The following ACLY variants were observed in gnomAD, a reference collection of about 807,000 sequenced individuals.
ACLY encodes ATP citrate lyase, also known as ATP-citrate synthase.
ACLY carries 41 observed loss-of-function variants against 133.0 expected under a neutral mutation model. That is an observed-to-expected ratio of 0.31 (90% CI 0.24 to 0.40). The LOEUF is 0.40. Among genes scored for constraint, ACLY ranks in the 10% least tolerant of loss-of-function variants. The pLI, the probability that ACLY is intolerant of heterozygous loss-of-function variation, is 1.00. For synonymous variants in ACLY, 495 were observed against 549.3 expected, an observed-to-expected ratio of 0.90 and a Z score of 1.38; for missense variants, 1,046 against 1,453.8, an observed-to-expected ratio of 0.72 and a Z score of 4.56.
intron 22 of ACLY, 41 bp downstream of exon 22, chr17:41,878,062 T>A (rs782184375): frequency 9.4e-6 from 13 of 1,385,280 alleles, no homozygotes; most frequent in Non-Finnish European, 1.2e-5. Context: ...GACCCACAGA[T>A]CTCCCTTGCT....
rs1555624076 is a variant in ACLY at position 41,867,431 on chromosome 17, A to C, written c.*379T>G. 6.4e-6 allele frequency: 1 copy of C among 156,512 alleles called. No homozygotes were observed. Among genetic ancestry groups the C allele is most frequent in the African/African-American group, 2.4e-5 (1 of 41,622 alleles). 9.7% of individuals were successfully genotyped at this position (156,512 alleles called of 1,614,324 possible). On this transcript the variant is annotated 3_prime_UTR_variant, in exon 29 of 29. Coordinates refer to ENST00000352035, the MANE Select transcript of ACLY (RefSeq NM_001096.3). ...AGTATCTTGAGGCCATAAATGTTTC[A>C]TTCCCTTCCTCCAAAGGAGAAAAAA... is the stretch of plus-strand genomic sequence containing the variant.
chr17:41,898,927 T>C, intron 11 of ACLY, 142 bp from the exon 12 acceptor site: 2 of 828,460 alleles, frequency 2.4e-6, no homozygotes, highest in Non-Finnish European at 3.6e-6. Context: ...ACAAATCAGC[T>C]GTCATAATTT....
Position 41,878,928 on chromosome 17 carries a change from G to T in ACLY, c.2266-4C>A, listed in dbSNP as rs782678424. 1 of 1,613,852 alleles carries T rather than the reference G, an allele frequency of 6.2e-7. No individual in the cohort carries two copies. The highest frequency in any genetic ancestry group is 1.3e-5 in the African/African-American group (1 of 74,932). On this transcript the variant is annotated splice_polypyrimidine_tract_variant and splice_region_variant and intron_variant, in intron 20 of 28. Coordinates refer to ENST00000352035, the MANE Select transcript of ACLY (RefSeq NM_001096.3). ...CTCCAGCATGGCCAAACTGGACCTG[G>T]AAAGCAAAGGAAAGTAGCTTTACTG...
chr17:41,915,307 C>T (rs1423955236), intron 1 of ACLY, among the ~76,000 whole-genome samples: 1 of 152,080 alleles, frequency 6.6e-6, no homozygotes, highest in Admixed American at 6.5e-5. Context: ...ACTCCTGACT[C>T]CCCCAAAGCC....
chr17:41,920,594 A>G (rs2050166664), upstream of ACLY, among the ~76,000 whole-genome samples: 1 of 149,782 alleles, frequency 6.7e-6, no homozygotes, highest in African/African-American at 2.4e-5. Flanking sequence ...CTATCTCAAA[A>G]AAAAAAAAAA....
chr17:41,905,492 G>C (rs2049687039), intron 9 of ACLY, 30 bp downstream of exon 9: 1 of 1,613,904 alleles, frequency 6.2e-7, no homozygotes, highest in Non-Finnish European at 8.5e-7. Context: ...GGGAAGTGGG[G>C]ACAGGTATGT....
intron 27 of ACLY, 38 bp from the exon 28 acceptor site, chr17:41,868,823 C>A (rs567137439): frequency 1.3e-6 from 2 of 1,587,548 alleles, no homozygotes; most frequent in African/African-American, 1.3e-5. Context: ...AAAAGGCTCA[C>A]GTGACTGCCC....
intron 14 of ACLY, among the ~76,000 whole-genome samples, chr17:41,893,929 G>A (rs1311637613): frequency 3.3e-5 from 5 of 152,258 alleles, no homozygotes; most frequent in East Asian, 3.9e-4. Context: ...GAGGTAAGGC[G>A]CAGGTCAGGT....
intron 15 of ACLY, 79 bp downstream of exon 15, chr17:41,892,954 C>T (rs914583763): frequency 1.3e-6 from 2 of 1,540,246 alleles, no homozygotes; most frequent in Admixed American, 1.8e-5. Context: ...GCTAGGATTA[C>T]AGGCATGAGC....
intron 6 of ACLY, among the ~76,000 whole-genome samples, chr17:41,908,342 T>C (rs2049788349): frequency 6.6e-6 from 1 of 152,058 alleles, no homozygotes; most frequent in African/African-American, 2.4e-5. Flanking sequence ...GGGAGGCAAG[T>C]GTGAGGCCTC....
At chr17:41,892,032 C>T (rs984576304) in intron 16 of ACLY, among the ~76,000 whole-genome samples, 4 of 152,158 alleles carry the variant, frequency 2.6e-5, no homozygotes, top group Admixed American at 2.6e-4. Flanking sequence ...CCCAGATAAG[C>T]AGCCTCTGCC....
chr17:41,898,631 C>T lies in ACLY; in HGVS notation c.1338G>A (p.Ser446=), dbSNP rs541328826. 1,415 of 1,613,268 alleles carry T rather than the reference C, an allele frequency of 8.8e-4. 26 individuals carry two copies. In the South Asian group the frequency reaches 0.012, roughly 14 times the overall value. ...AAGGTTTGGGGAGGCTGGAACCTACCGATGTGCTCCCGCTGGCGTTGAGGA... is the reference window on the plus strand; with the variant it reads ...AAGGTTTGGGGAGGCTGGAACCTACTGATGTGCTCCCGCTGGCGTTGAGGA... The part of the protein sequence containing the change: ...NFLLNASGST[S]TPAPSRTASF... The change falls in exon 12 of 29, where the codon TCG becomes TCA. Residue 446 remains serine, a splice_region_variant and synonymous_variant. Transcript: ENST00000352035.
At chr17:41,868,629 A>C (rs2048524723) in intron 28 of ACLY, 80 bp downstream of exon 28, 1 of 907,632 alleles carries the variant, frequency 1.1e-6, no homozygotes, top group South Asian at 2.2e-5. Flanking sequence ...AGAAAAAGAA[A>C]CTCAACCCCA....
chr17:41,892,422 A>G lies in ACLY; in HGVS notation c.1627T>C (p.Trp543Arg), dbSNP rs1555629532. ...FTGDHKQKFY[W>R]GHKEILIPVF... Reference sequence around the variant, plus strand: ...GGGATCAGGATCTCTTTGTGCCCCCAGTAAAACTTCTGCTTGTGGTCCCCA... The same window carrying G: ...GGGATCAGGATCTCTTTGTGCCCCCGGTAAAACTTCTGCTTGTGGTCCCCA... Residue 543 changes from tryptophan (W) to arginine (R), a missense_variant, in exon 16 of 29, where the codon TGG becomes CGG. By Grantham distance (101) the Trp-to-Arg change is moderately radical. Coordinates refer to ENST00000352035, the MANE Select transcript of ACLY (RefSeq NM_001096.3). 1.2e-6 allele frequency: 2 copies of G among 1,613,682 alleles called. No individual in the cohort carries two copies. Among genetic ancestry groups the G allele is most frequent in the Admixed American group, 1.7e-5 (1 of 59,950 alleles).
At chr17:41,876,299 AGCCCCCCGCCCG>A (rs1453886308) in intron 22 of ACLY, among the ~76,000 whole-genome samples, 1 of 147,560 alleles carries the variant, frequency 6.8e-6, no homozygotes, top group Non-Finnish European at 1.5e-5. Context: ...TGGGGGGGTC[AGCCCCCCGCCCG>A]GCCAGCCGCC....
intron 22 of ACLY, among the ~76,000 whole-genome samples, chr17:41,874,501 G>A (rs1325556098): frequency 9.2e-5 from 14 of 151,824 alleles, no homozygotes; most frequent in African/African-American, 3.4e-4. Context: ...TTAAACTCTT[G>A]TGCTCAAGCA....
At chr17:41,869,752 G>A (rs1333065567) in intron 25 of ACLY, among the ~76,000 whole-genome samples, 165 bp from the exon 26 acceptor site, 1 of 152,192 alleles carries the variant, frequency 6.6e-6, no homozygotes, top group Admixed American at 6.5e-5. Context: ...AATGCCATGA[G>A]GCTGGCTTTT....
chr17:41,913,714 C>G lies in ACLY; in HGVS notation c.159+1G>C. On this transcript the variant is annotated splice_donor_variant, in intron 2 of 28. Coordinates refer to ENST00000352035, the MANE Select transcript of ACLY (RefSeq NM_001096.3). LOFTEE classifies it high-confidence loss of function. The stretch of plus-strand genomic sequence containing the variant: ...AGGCCCAAAGTGGAGGCAGGGCTCA[C>G]CTGGCTGAGCAGCCAGGGGTGGTCC... 1 of 1,613,778 alleles carries G rather than the reference C, an allele frequency of 6.2e-7. No homozygotes were observed. Among genetic ancestry groups the G allele is most frequent in the Non-Finnish European group, 8.5e-7 (1 of 1,179,858 alleles).
In ACLY at chr17:41,878,089, T is replaced by C. The variant is rs373508080; in HGVS notation, c.2487+14A>G. The C allele has an allele frequency of 3.3e-6, 5 of 1,520,554 alleles. No individual in the cohort carries two copies. Among genetic ancestry groups the C allele is most frequent in the Non-Finnish European group, 4.4e-6 (5 of 1,133,868 alleles). 94.2% of individuals were successfully genotyped at this position (1,520,554 alleles called of 1,614,324 possible). On this transcript the variant is annotated intron_variant, in intron 22 of 28. Coordinates refer to ENST00000352035, the MANE Select transcript of ACLY (RefSeq NM_001096.3). The stretch of plus-strand genomic sequence containing the variant: ...TCCCTTGCTCACACTGTTAGAGACA[T>C]TTAAGGCACCTACCCTGGCCCAGGA...
Sources: gnomAD v4.1 joint callset for allele counts (sites outside exome capture counted in the v4.1 genomes callset) on GRCh38, gnomAD v4.1.1 for gene constraint, MANE v1.5 for transcripts, NCBI Gene and HGNC (gene_info 2026-07-23, HGNC 2026-07-21) for gene names.